ITGBL1: variants seen among roughly 807,000 people sequenced by gnomAD.
ITGBL1 encodes integrin subunit beta like 1, also known as integrin beta-like protein 1.
Under a neutral mutation model 68.5 loss-of-function variants are expected in ITGBL1, and 51 were observed. That is an observed-to-expected ratio of 0.74 (90% confidence interval 0.59 to 0.94). The LOEUF is 0.94. Among genes scored for constraint, ITGBL1 ranks in the 40% least tolerant of loss-of-function variants. ITGBL1 has a pLI of 0.00. For missense variants in ITGBL1, 649 were observed against 647.4 expected (o/e 1.00, Z -0.03); for synonymous variants, 209 against 227.3 (o/e 0.92, Z 0.72).
At chr13:101,567,458 A>G (rs1187418220) in intron 2 of ITGBL1, among the ~76,000 whole-genome samples, 1 of 152,104 alleles carries the variant, frequency 6.6e-6, no homozygotes, top group Non-Finnish European at 1.5e-5. Flanking sequence ...TTTTTAATGT[A>G]TTATCCTAAT....
At chr13:101,593,658 G>A (rs982182588) in intron 6 of ITGBL1, among the ~76,000 whole-genome samples, 2 of 152,068 alleles carry the variant, frequency 1.3e-5, no homozygotes, top group African/African-American at 4.8e-5. Flanking sequence ...GTTAAATAAG[G>A]CACAGAAAGA....
At chr13:101,605,696 G>A (rs1489340403) in intron 7 of ITGBL1, among the ~76,000 whole-genome samples, 1 of 151,550 alleles carries the variant, frequency 6.6e-6, no homozygotes, top group Non-Finnish European at 1.5e-5. Flanking sequence ...ATACACGTAT[G>A]TAGACTTATG....
intron 2 of ITGBL1, among the ~76,000 whole-genome samples, chr13:101,543,633 G>C (rs896220448): frequency 2.2e-4 from 34 of 152,138 alleles, no homozygotes; most frequent in Admixed American, 9.2e-4. Flanking sequence ...AGTTCTGCTG[G>C]ATAATATCCT....
chr13:101,537,345 T>C (rs1309767052), intron 2 of ITGBL1, among the ~76,000 whole-genome samples: 1 of 152,022 alleles, frequency 6.6e-6, no homozygotes, highest in Admixed American at 6.6e-5. Context: ...TAAAATGGAA[T>C]ACATATTTCC....
intron 3 of ITGBL1, among the ~76,000 whole-genome samples, chr13:101,569,940 C>G (rs980979414): frequency 2.6e-5 from 4 of 152,076 alleles, no homozygotes; most frequent in African/African-American, 9.7e-5. Context: ...TACTTTAAAG[C>G]CATACATGTA....
At chr13:101,649,581 AT>A (rs574448313) in intron 7 of ITGBL1, among the ~76,000 whole-genome samples, 2 of 151,946 alleles carry the variant, frequency 1.3e-5, no homozygotes, top group African/African-American at 4.8e-5. Flanking sequence ...TTGTTTAGAT[AT>A]TTTTTTTCCA....
intron 6 of ITGBL1, among the ~76,000 whole-genome samples, chr13:101,595,435 T>C (rs774161989): frequency 1.3e-5 from 2 of 152,148 alleles, no homozygotes; most frequent in African/African-American, 2.4e-5. Context: ...TTTTGGGGAT[T>C]GCATTTCCAC....
At chr13:101,679,771 T>C (rs1309137761) in intron 7 of ITGBL1, among the ~76,000 whole-genome samples, 3 of 152,234 alleles carry the variant, frequency 2.0e-5, no homozygotes, top group Non-Finnish European at 4.4e-5. Flanking sequence ...GAATCCTAAA[T>C]GACCTCCTCT....
At chr13:101,698,311 G>A (rs2034049827) in intron 8 of ITGBL1, among the ~76,000 whole-genome samples, 1 of 152,196 alleles carries the variant, frequency 6.6e-6, no homozygotes, top group Non-Finnish European at 1.5e-5. Flanking sequence ...CTGATCAGCA[G>A]ATGCATGAGC....
chr13:101,670,300 G>T (rs1403397924), intron 7 of ITGBL1, among the ~76,000 whole-genome samples: 1 of 152,128 alleles, frequency 6.6e-6, no homozygotes, highest in Non-Finnish European at 1.5e-5. Flanking sequence ...CTTTTCATTG[G>T]GTTCAACTTC....
At chr13:101,529,955 C>T (rs1223110014) in intron 2 of ITGBL1, among the ~76,000 whole-genome samples, 1 of 152,006 alleles carries the variant, frequency 6.6e-6, no homozygotes, top group East Asian at 1.9e-4. Context: ...AACTTGTGAG[C>T]CCACAATTTT....
chr13:101,480,175 G>T (rs1406476598), intron 2 of ITGBL1, among the ~76,000 whole-genome samples: 1 of 152,012 alleles, frequency 6.6e-6, no homozygotes, highest in Non-Finnish European at 1.5e-5. Context: ...AAACAACATG[G>T]ATGGAACTGG....
intron 3 of ITGBL1, among the ~76,000 whole-genome samples, chr13:101,572,846 CAG>C (rs2050295174): frequency 6.6e-6 from 1 of 152,096 alleles, no homozygotes; most frequent in South Asian, 2.1e-4. Flanking sequence ...TCCTCATACA[CAG>C]TCCTAACCAA....
intron 2 of ITGBL1, among the ~76,000 whole-genome samples, chr13:101,540,245 G>A (rs1045267991): frequency 6.6e-6 from 1 of 152,112 alleles, no homozygotes; most frequent in Non-Finnish European, 1.5e-5. Flanking sequence ...TGTAAGGAAG[G>A]GATCCAGTTT....
Position 101,706,834 on chromosome 13 carries a change from G to A in ITGBL1, c.1211G>A (p.Cys404Tyr). 6.2e-7 allele frequency: 1 copy of A among 1,614,198 alleles called. No homozygotes were observed. Among genetic ancestry groups the A allele is most frequent in the Non-Finnish European group, 8.5e-7 (1 of 1,180,036 alleles). The change falls in exon 9 of 11, where the codon TGT (cysteine) becomes TAT (tyrosine). Residue 404 changes from cysteine to tyrosine, a missense_variant. By Grantham distance (194) the Cys-to-Tyr change is radical. Coordinates refer to ENST00000376180, the MANE Select transcript of ITGBL1 (RefSeq NM_004791.3). Reference sequence around the variant, plus strand: ...AAGCTCTGCCAACATCCGCGGAAGTGTAACATGACGGAAGAACAAAGCAAG... The same window carrying A: ...AAGCTCTGCCAACATCCGCGGAAGTATAACATGACGGAAGAACAAAGCAAG... ...FGKLCQHPRK[C>Y]NMTEEQSKNL...
At chr13:101,480,895 A>T (rs910007610) in intron 2 of ITGBL1, among the ~76,000 whole-genome samples, 10 of 151,888 alleles carry the variant, frequency 6.6e-5, no homozygotes, top group Non-Finnish European at 1.2e-4. Flanking sequence ...GATATCATGG[A>T]CATTTTGCTT....
chr13:101,479,494 A>G (rs2048585345), intron 2 of ITGBL1, among the ~76,000 whole-genome samples: 1 of 152,128 alleles, frequency 6.6e-6, no homozygotes, highest in South Asian at 2.1e-4. Flanking sequence ...TGCACAGCAA[A>G]GGCAACAATC....
At chr13:101,651,910 C>T (rs527713463) in intron 7 of ITGBL1, among the ~76,000 whole-genome samples, 1 of 152,168 alleles carries the variant, frequency 6.6e-6, no homozygotes, top group South Asian at 2.1e-4. Context: ...TCTCCCAGCA[C>T]CACTCATTAA....
chr13:101,648,841 G>C (rs1197574969), intron 7 of ITGBL1, among the ~76,000 whole-genome samples: 2 of 151,990 alleles, frequency 1.3e-5, no homozygotes, highest in East Asian at 3.9e-4. Context: ...GGGGACAGAA[G>C]AGGAAATCTG....
Sources: gnomAD v4.1 joint callset for allele counts (sites outside exome capture counted in the v4.1 genomes callset) on GRCh38, gnomAD v4.1.1 for gene constraint, MANE v1.5 for transcripts, NCBI Gene and HGNC (gene_info 2026-07-23, HGNC 2026-07-21) for gene names.